AGAP1: variants seen among roughly 807,000 people sequenced by gnomAD.
AGAP1 encodes arf-GAP with GTPase, ANK repeat and PH domain-containing protein 1.
A neutral mutation model predicts 105.3 loss-of-function variants in AGAP1; 29 were observed. The observed-to-expected ratio is 0.28, with a 90% CI of 0.21 to 0.38. The LOEUF is 0.38. Ranked by LOEUF, AGAP1 falls within the 10% of genes least tolerant of loss-of-function variation. The probability of loss-of-function intolerance (pLI) is 1.00; values close to 1 mark genes in which losing one functional copy is unlikely to be tolerated. For synonymous variants in AGAP1, 509 were observed against 485.9 expected, an observed-to-expected ratio of 1.05 and a Z score of -0.63; for missense variants, 998 against 1,165.1, an observed-to-expected ratio of 0.86 and a Z score of 2.09.
chr2:235,712,442 A>C lies in AGAP1; in HGVS notation c.222+3205A>C, dbSNP rs1035249597. On this transcript the variant is annotated intron_variant, in intron 2 of 17. Transcript: ENST00000304032. The surrounding 1 kb of genome is among the most constrained non-coding windows in gnomAD (Gnocchi z 6.0). The stretch of plus-strand genomic sequence containing the variant: ...ACAGCAAAAGCTTGATGCTTCTGTC[A>C]GAGGGGAAGGCACATAGGCTCTGGA... Among the ~76,000 whole-genome samples the C allele has an allele frequency of 6.6e-6, 1 of 152,252 alleles. No individual in the cohort carries two copies. The highest frequency in any genetic ancestry group is 1.5e-5 in the Non-Finnish European group (1 of 68,054).
At position 235,504,687 on chromosome 2, in the gene AGAP1, C is replaced by T. The variant is rs148335000; in HGVS notation, c.163+9838C>T. ...GGACGTAGCTGCTCGTGAAGCCGCT[C>T]CTGCAGCCCAGCAGCCCCTATCTGG... On this transcript the variant is annotated intron_variant, in intron 1 of 17. Transcript: ENST00000304032. Among the ~76,000 whole-genome samples, 392 of 152,244 alleles carry T rather than the reference C, an allele frequency of 2.6e-3. 5 individuals are homozygous for T. The highest frequency in any genetic ancestry group is 8.9e-3 in the African/African-American group (371 of 41,538).
chr2:236,070,936 G>A (rs2058479533), intron 16 of AGAP1, among the ~76,000 whole-genome samples: 1 of 152,210 alleles, frequency 6.6e-6, no homozygotes, highest in African/African-American at 2.4e-5. Context: ...GTGAATCGTA[G>A]GGTATGTGAA....
intron 1 of AGAP1, among the ~76,000 whole-genome samples, chr2:235,704,443 C>G (rs1387606899): frequency 1.3e-5 from 2 of 152,078 alleles, no homozygotes; most frequent in East Asian, 3.9e-4. Flanking sequence ...GTCAGGAGAT[C>G]GAGACCATCC....
chr2:235,935,516 T>G (rs1431042405), intron 12 of AGAP1, among the ~76,000 whole-genome samples: 1 of 152,230 alleles, frequency 6.6e-6, no homozygotes, highest in South Asian at 2.1e-4. Context: ...ACCTCTTGTG[T>G]AGATTCTTTA....
chr2:235,977,056 C>CA lies in AGAP1; in HGVS notation c.1645+8433_1645+8434insA, dbSNP rs2054891878. On this transcript the variant is annotated intron_variant, in intron 13 of 17. Transcript: ENST00000304032. The surrounding 1 kb of genome is among the most constrained non-coding windows in gnomAD (Gnocchi z 5.2). ...ACAGAAATGTGACGGACCTCAACTC[C>CA]TTTTTTTTAGCTAGACTTAGAGATT... is the stretch of plus-strand genomic sequence containing the variant. Among the ~76,000 whole-genome samples, 1 of 151,948 alleles carries CA rather than the reference C, an allele frequency of 6.6e-6. No homozygotes were observed. Among genetic ancestry groups the CA allele is most frequent in the Admixed American group, 6.6e-5 (1 of 15,240 alleles).
rs2054007773 is a variant in AGAP1 at position 235,957,702 on chromosome 2, C to T, written c.1484-10760C>T. Among the ~76,000 whole-genome samples the T allele has an allele frequency of 6.6e-6, 1 of 152,154 alleles. No homozygotes were observed. Among genetic ancestry groups the T allele is most frequent in the African/African-American group, 2.4e-5 (1 of 41,434 alleles). ...AGGTGGCCTGTTCTTTATTTACCGG[C>T]CTACACATCTCTGTAAGCTTCAGAA... On this transcript the variant is annotated intron_variant, in intron 12 of 17. Transcript: ENST00000304032. This position sits in a 1 kb window ranked among gnomAD's most constrained non-coding sequence, Gnocchi z 4.6.
At chr2:236,070,133 C>T (rs2058459615) in intron 16 of AGAP1, among the ~76,000 whole-genome samples, 1 of 152,244 alleles carries the variant, frequency 6.6e-6, no homozygotes, top group Non-Finnish European at 1.5e-5. Flanking sequence ...CCACATTGCT[C>T]CCGAAAGCTG....
At chr2:235,709,146 T>C in intron 1 of AGAP1, 33 bp from the exon 2 acceptor site, 7 of 1,611,752 alleles carry the variant, frequency 4.3e-6, no homozygotes, top group Non-Finnish European at 5.1e-6. Flanking sequence ...ACGTGAGTTA[T>C]GGTGTCTGAC....
intron 16 of AGAP1, among the ~76,000 whole-genome samples, chr2:236,067,158 A>G (rs549070709): frequency 6.6e-4 from 101 of 152,020 alleles, no homozygotes; most frequent in African/African-American, 2.3e-3. Flanking sequence ...GGTCTTTACC[A>G]CTGGCTTGCT....
intron 6 of AGAP1, among the ~76,000 whole-genome samples, chr2:235,762,302 G>A (rs960891816): frequency 6.6e-6 from 1 of 152,030 alleles, no homozygotes; most frequent in African/African-American, 2.4e-5. Flanking sequence ...AGAAAGGGTG[G>A]CTTTGTCTCA....
intron 1 of AGAP1, among the ~76,000 whole-genome samples, chr2:235,590,471 G>T (rs577489179): frequency 2.0e-5 from 3 of 152,166 alleles, no homozygotes; most frequent in Admixed American, 2.0e-4. Flanking sequence ...TGATCAACAG[G>T]TGTGGGCAGG....
At chr2:235,704,973 T>TTC (rs1950460064) in intron 1 of AGAP1, among the ~76,000 whole-genome samples, 3 of 59,124 alleles carry the variant, frequency 5.1e-5, no homozygotes, top group East Asian at 7.4e-4. Context: ...TTTTTTCTTT[T>TTC]TTTTTTTTTT....
In AGAP1 at chr2:236,101,622, G is replaced by A. The variant is rs1476978004; in HGVS notation, c.2115-18570G>A. 6.6e-6 allele frequency among the ~76,000 whole-genome samples: 1 copy of A among 152,184 alleles called. No individual in the cohort carries two copies. The highest frequency in any genetic ancestry group is 1.9e-4 in the East Asian group (1 of 5,184). On this transcript the variant is annotated intron_variant, in intron 16 of 17. Transcript: ENST00000304032. This position sits in a 1 kb window ranked among gnomAD's most constrained non-coding sequence, Gnocchi z 4.9. ...GCTTACATCCACTTTACGGGATCCGGAGCGGAGGAAAAGGGCCATTTCTCT... is the reference window on the plus strand; with the variant it reads ...GCTTACATCCACTTTACGGGATCCGAAGCGGAGGAAAAGGGCCATTTCTCT...
intron 9 of AGAP1, among the ~76,000 whole-genome samples, chr2:235,868,141 A>G (rs2049270526): frequency 6.6e-6 from 1 of 151,610 alleles, no homozygotes; most frequent in African/African-American, 2.4e-5. Context: ...TAAGACACTA[A>G]ATGAGCTATT....
intron 1 of AGAP1, among the ~76,000 whole-genome samples, chr2:235,514,949 AGTTGGGGAGCTTGTAT>A (rs1293465920): frequency 6.6e-6 from 1 of 152,196 alleles, no homozygotes; most frequent in African/African-American, 2.4e-5. Context: ...CGTATTGGTC[AGTTGGGGAGCTTGTAT>A]ACTCAGGCCA....
rs1191884722 is a variant in AGAP1 at position 235,550,889 on chromosome 2, C to T, written c.163+56040C>T. On this transcript the variant is annotated intron_variant, in intron 1 of 17. Transcript: ENST00000304032. This position sits in a 1 kb window ranked among gnomAD's most constrained non-coding sequence, Gnocchi z 4.6. ...TCCTGGGTCCAAGCAATTCTCCTGC[C>T]TCAGCCTCCTGAGTAGCTGGGACTA... Among the ~76,000 whole-genome samples the T allele has an allele frequency of 6.6e-6, 1 of 152,136 alleles. No homozygotes were observed. Among genetic ancestry groups the T allele is most frequent in the Non-Finnish European group, 1.5e-5 (1 of 68,032 alleles).
At chr2:235,545,600 G>A (rs992705561) in intron 1 of AGAP1, among the ~76,000 whole-genome samples, 1 of 152,234 alleles carries the variant, frequency 6.6e-6, no homozygotes, top group South Asian at 2.1e-4. Context: ...TGGCCCGTGG[G>A]CGTCACTGCC....
At chr2:235,544,728 G>C (rs1279245816) in intron 1 of AGAP1, among the ~76,000 whole-genome samples, 1 of 152,150 alleles carries the variant, frequency 6.6e-6, no homozygotes, top group Non-Finnish European at 1.5e-5. Flanking sequence ...GAAGCCCTTC[G>C]CCTGAGGCTC....
intron 12 of AGAP1, among the ~76,000 whole-genome samples, chr2:235,954,487 A>C (rs775515323): frequency 6.7e-6 from 1 of 148,574 alleles, no homozygotes; most frequent in African/African-American, 2.5e-5. Context: ...TCGTTCTCTA[A>C]CTTTCTCCTT....
Sources: allele counts gnomAD v4.1 joint callset (sites outside exome capture counted in the v4.1 genomes callset), GRCh38; gene constraint gnomAD v4.1.1; non-coding constraint Gnocchi (gnomAD v3.1); transcripts MANE v1.5; gene names NCBI Gene and HGNC (gene_info 2026-07-23, HGNC 2026-07-21).